The following STRN3 variants were observed in gnomAD, a reference collection of about 807,000 sequenced individuals.
STRN3 encodes striatin-3.
Under a neutral mutation model 95.6 loss-of-function variants are expected in STRN3, and 29 were observed. The ratio of observed to expected loss-of-function variants is 0.30; its 90% CI spans 0.23 to 0.41. The LOEUF (loss-of-function observed/expected upper bound fraction) is 0.41. STRN3 is among the 10% of genes least tolerant of loss of function. The pLI, the probability that STRN3 is intolerant of heterozygous loss-of-function variation, is 1.00. For synonymous variants in STRN3, 331 were observed against 357.6 expected (o/e 0.93, Z 0.84); for missense variants, 890 against 972.1 (o/e 0.92, Z 1.12).
chr14:30,966,459 A>T (rs1468398385), intron 1 of STRN3, among the ~76,000 whole-genome samples: 1 of 152,142 alleles, frequency 6.6e-6, no homozygotes, highest in South Asian at 2.1e-4. Flanking sequence ...TCTCGTGAGG[A>T]GGTGCACCCT....
chr14:30,981,328 A>G (rs1348642822), intron 1 of STRN3, among the ~76,000 whole-genome samples: 1 of 152,218 alleles, frequency 6.6e-6, no homozygotes, highest in East Asian at 1.9e-4. Flanking sequence ...AATAAATTAA[A>G]ATAACACAGT....
intron 6 of STRN3, 131 bp from the exon 7 acceptor site, chr14:30,935,435 T>A: frequency 1.0e-6 from 1 of 967,164 alleles, no homozygotes; most frequent in Non-Finnish European, 1.5e-6. Flanking sequence ...ATCTCCTATG[T>A]AATTCACAAA....
intron 8 of STRN3, among the ~76,000 whole-genome samples, chr14:30,925,336 C>T (rs1333900123): frequency 6.6e-6 from 1 of 151,954 alleles, no homozygotes; most frequent in East Asian, 1.9e-4. Context: ...AAAGTCAAAT[C>T]TTGAATGGGT....
At chr14:30,986,729 T>C (rs1296592930) in intron 1 of STRN3, among the ~76,000 whole-genome samples, 2 of 152,142 alleles carry the variant, frequency 1.3e-5, no homozygotes, top group African/African-American at 4.8e-5. Context: ...TGGAAATAAA[T>C]AGAAAAAAGT....
chr14:30,923,327 A>G (rs528153573), intron 8 of STRN3, among the ~76,000 whole-genome samples: 68 of 152,202 alleles, frequency 4.5e-4, no homozygotes, highest in Admixed American at 3.9e-4. Flanking sequence ...CTTTAAAAAT[A>G]AAAATTAGAA....
chr14:30,935,269 G>A lies in STRN3; in HGVS notation c.882C>T (p.Asp294=), dbSNP rs746431353. The A allele has an allele frequency of 6.8e-6, 11 of 1,613,832 alleles. No individual in the cohort carries two copies. The highest frequency in any genetic ancestry group is 2.2e-5 in the East Asian group (1 of 44,884). ...TCAGTGCTTCCTCAGTATCAGGATC[G>A]TCAGTTAGGTCAGCAGCTAAACCTT... ...GNEGLAADLT[D]DPDTEEALKE... Residue 294 remains aspartate, a synonymous_variant, in exon 7 of 18, where the codon GAC becomes GAT. Coordinates refer to ENST00000357479, the MANE Select transcript of STRN3 (RefSeq NM_001083893.2).
At chr14:31,025,012 G>A (rs1469933558) in intron 1 of STRN3, 2 of 152,188 alleles carry the variant, frequency 1.3e-5, no homozygotes, top group South Asian at 2.1e-4. Flanking sequence ...ATCGAGTCAA[G>A]CTCAACTATG....
chr14:30,959,301 C>A (rs940261130), intron 1 of STRN3, among the ~76,000 whole-genome samples: 1 of 151,976 alleles, frequency 6.6e-6, no homozygotes. Context: ...CCAGCCTGAG[C>A]GACAGAGCAA....
At chr14:31,011,906 C>T (rs1261819308) in intron 1 of STRN3, among the ~76,000 whole-genome samples, 2 of 152,030 alleles carry the variant, frequency 1.3e-5, no homozygotes, top group African/African-American at 4.8e-5. Context: ...ATGGTGAAAC[C>T]CTGTCTCTAC....
chr14:30,927,627 A>G (rs1359965321), intron 8 of STRN3, among the ~76,000 whole-genome samples: 6 of 152,022 alleles, frequency 3.9e-5, no homozygotes, highest in Admixed American at 3.9e-4. Context: ...CTTTAAAAAA[A>G]AAAAAATTAA....
intron 7 of STRN3, among the ~76,000 whole-genome samples, 177 bp from the exon 8 acceptor site, chr14:30,929,488 T>C (rs1878371606): frequency 6.6e-6 from 1 of 152,146 alleles, no homozygotes; most frequent in Non-Finnish European, 1.5e-5. Context: ...TAAATGCCCA[T>C]GTCATAAGTT....
intron 1 of STRN3, among the ~76,000 whole-genome samples, chr14:31,020,961 C>T (rs953428237): frequency 6.6e-6 from 1 of 152,040 alleles, no homozygotes; most frequent in Non-Finnish European, 1.5e-5. Flanking sequence ...AAGTCTGTGT[C>T]TCATACATCA....
chr14:31,007,917 G>A (rs1882792825), intron 1 of STRN3, among the ~76,000 whole-genome samples: 2 of 152,112 alleles, frequency 1.3e-5, no homozygotes, highest in African/African-American at 2.4e-5. Context: ...ATTGGGCCTG[G>A]CGTGGTGGCT....
At chr14:30,943,553 T>C (rs1432331696) in intron 5 of STRN3, among the ~76,000 whole-genome samples, 3 of 152,172 alleles carry the variant, frequency 2.0e-5, no homozygotes, top group Non-Finnish European at 4.4e-5. Flanking sequence ...TGAGCTGTGA[T>C]TGTGCCACTG....
rs1325102255 is a variant in STRN3 at position 30,935,167 on chromosome 14, T to C, written c.984A>G (p.Glu328=). Residue 328 remains glutamate, a synonymous_variant, in exon 7 of 18, where the codon GAA becomes GAG. Coordinates refer to ENST00000357479, the MANE Select transcript of STRN3 (RefSeq NM_001083893.2). The part of the protein sequence containing the change: ...GEARSSGDGT[E]WDKDDLSPTA... ...GGTATTTCTTTATCACCTTACCCCA[T>C]TCTGTGCCATCCCCCGAACTCCGTG... 2 of 1,613,992 alleles carry C rather than the reference T, an allele frequency of 1.2e-6. No homozygotes were observed. Among genetic ancestry groups the C allele is most frequent in the East Asian group, 2.2e-5 (1 of 44,870 alleles).
At chr14:30,924,667 G>C (rs1460638078) in intron 8 of STRN3, among the ~76,000 whole-genome samples, 1 of 152,032 alleles carries the variant, frequency 6.6e-6, no homozygotes, top group Non-Finnish European at 1.5e-5. Flanking sequence ...AGATCCGCCT[G>C]GGCAACATAC....
chr14:30,970,578 G>T (rs2139193332), intron 1 of STRN3, among the ~76,000 whole-genome samples: 1 of 152,262 alleles, frequency 6.6e-6, no homozygotes, highest in East Asian at 1.9e-4. Context: ...TATGGGGGCT[G>T]AGGTTTCAAG....
rs764047698 is a variant in STRN3 at position 30,929,296 on chromosome 14, G to A, written c.1004C>T (p.Ser335Phe). Residue 335 changes from serine to phenylalanine, a missense_variant, in exon 8 of 18, where the codon TCC (serine) becomes TTC (phenylalanine). This residue lies in a region of STRN3 where 526 missense variants were observed against 526.3 expected (regional missense o/e 1.00). Transcript: ENST00000357479. Reference sequence around the variant, plus strand: ...TACATCCCAAACCTCAGCAGTTGGGGAGAGGTCATCTTTATCTACATGCAG... The same window carrying A: ...TACATCCCAAACCTCAGCAGTTGGGAAGAGGTCATCTTTATCTACATGCAG... Reference protein sequence around the residue: ...DGTEWDKDDLSPTAEVWDVDQ... With the variant: ...DGTEWDKDDLFPTAEVWDVDQ... 6.8e-6 allele frequency: 11 copies of A among 1,612,858 alleles called. No homozygotes were observed. In the Admixed American group the frequency reaches 1.0e-4, roughly 15 times the overall value.
chr14:30,931,956 G>C (rs1878559790), intron 7 of STRN3: 1 of 152,158 alleles, frequency 6.6e-6, no homozygotes, highest in African/African-American at 2.4e-5. Flanking sequence ...AAAAAAATCA[G>C]TGCTCTTTTA....
Sources: gnomAD v4.1 joint callset for allele counts (sites outside exome capture counted in the v4.1 genomes callset) on GRCh38, gnomAD v4.1.1 for gene constraint, gnomAD v4.1.1 regional missense constraint, MANE v1.5 for transcripts, NCBI Gene and HGNC (gene_info 2026-07-23, HGNC 2026-07-21) for gene names.